MICAL3: variants seen among roughly 807,000 people sequenced by gnomAD.
MICAL3 encodes the protein microtubule associated monooxygenase, calponin and LIM domain containing 3, also known as [F-actin]-monooxygenase MICAL3.
MICAL3 carries 62 observed loss-of-function variants against 207.4 expected under a neutral mutation model. The observed-to-expected ratio is 0.30, with a 90% CI of 0.24 to 0.37. The LOEUF (loss-of-function observed/expected upper bound fraction) is 0.37. MICAL3 is among the 10% of genes least tolerant of loss of function. The probability of loss-of-function intolerance (pLI) is 1.00; values close to 1 mark genes in which losing one functional copy is unlikely to be tolerated. For synonymous variants in MICAL3, 1,077 were observed against 1,069.3 expected, an observed-to-expected ratio of 1.01 and a Z score of -0.14; for missense variants, 2,368 against 2,635.6, an observed-to-expected ratio of 0.90 and a Z score of 2.22.
At chr22:17,848,805 T>TA (rs1419706052) in intron 19 of MICAL3, among the ~76,000 whole-genome samples, 1 of 152,240 alleles carries the variant, frequency 6.6e-6, no homozygotes, top group Non-Finnish European at 1.5e-5. Context: ...TTCCTGCACT[T>TA]ATTCTCAGGC....
At chr22:17,895,940 G>C (rs925194432) in intron 9 of MICAL3, among the ~76,000 whole-genome samples, 2 of 151,984 alleles carry the variant, frequency 1.3e-5, no homozygotes, top group African/African-American at 4.8e-5. Flanking sequence ...CCCATTTAGG[G>C]GTTTGAGAAA....
chr22:17,801,910 C>CA (rs373226923), intron 29 of MICAL3, among the ~76,000 whole-genome samples: 11 of 149,182 alleles, frequency 7.4e-5, no homozygotes, highest in East Asian at 3.9e-4. Flanking sequence ...AACAAACAAA[C>CA]AACAACAACA....
chr22:17,827,930 T>C, intron 21 of MICAL3, 149 bp from the exon 22 acceptor site: 3 of 672,386 alleles, frequency 4.5e-6, no homozygotes, highest in African/African-American at 2.3e-5. Flanking sequence ...TGTATGCACA[T>C]GTATACACAC....
At chr22:17,967,805 G>C (rs1935216463) in intron 1 of MICAL3, among the ~76,000 whole-genome samples, 1 of 152,212 alleles carries the variant, frequency 6.6e-6, no homozygotes, top group African/African-American at 2.4e-5. Context: ...CCAGCACTTT[G>C]GGAGGCCGAG....
At chr22:17,834,485 G>A (rs1368432972) in intron 20 of MICAL3, 1 of 1,268,440 alleles carries the variant, frequency 7.9e-7, no homozygotes, top group African/African-American at 1.5e-5. Flanking sequence ...GGAGGCTGAG[G>A]TGGGTGGATC....
At chr22:17,792,957 G>A (rs1049478180) in intron 29 of MICAL3, among the ~76,000 whole-genome samples, 4 of 152,246 alleles carry the variant, frequency 2.6e-5, no homozygotes, top group Non-Finnish European at 5.9e-5. Flanking sequence ...GTGGAGGAGG[G>A]GCCCGAGGCA....
Position 17,817,884 on chromosome 22 carries a change from C to A in MICAL3, c.4777G>T (p.Ala1593Ser). Residue 1593 changes from alanine to serine, a missense_variant, in exon 26 of 32, where the codon GCC becomes TCC. This residue lies in a region of MICAL3 where 1,770 missense variants were observed against 1,863.2 expected (regional missense o/e 0.95). Coordinates refer to ENST00000441493, the MANE Select transcript of MICAL3 (RefSeq NM_015241.3). ...TCCCTGGCTCGCATGCGCTCCTCGG[C>A]CAACTCCTTGGCTTCCGCGGACACC... Reference protein sequence around the residue: ...PLVSAEAKELAEERMRAREKS... With the variant: ...PLVSAEAKELSEERMRAREKS... 6.2e-7 allele frequency: 1 copy of A among 1,612,422 alleles called. No individual in the cohort carries two copies. The highest frequency in any genetic ancestry group is 8.5e-7 in the Non-Finnish European group (1 of 1,179,766).
At chr22:17,916,055 C>CAAAA (rs755146574) in intron 1 of MICAL3, among the ~76,000 whole-genome samples, 27 of 57,814 alleles carry the variant, frequency 4.7e-4, no homozygotes, top group African/African-American at 1.1e-3. Context: ...GATCCAGTCT[C>CAAAA]AAAAAAAAAA....
chr22:17,859,665 C>T (rs1208730027), intron 19 of MICAL3, among the ~76,000 whole-genome samples: 2 of 152,234 alleles, frequency 1.3e-5, no homozygotes, highest in East Asian at 1.9e-4. Flanking sequence ...TTACCAGGAG[C>T]AAGGCTGTTG....
intron 1 of MICAL3, among the ~76,000 whole-genome samples, chr22:17,952,082 T>G (rs1237955334): frequency 1.3e-5 from 2 of 152,160 alleles, no homozygotes; most frequent in African/African-American, 4.8e-5. Context: ...CAGGGTGGAA[T>G]GAACTGCAAG....
chr22:17,854,775 C>T (rs910204703), intron 19 of MICAL3, among the ~76,000 whole-genome samples: 1 of 152,194 alleles, frequency 6.6e-6, no homozygotes, highest in Admixed American at 6.5e-5. Flanking sequence ...TGCATGAGGC[C>T]GCAGGAATTA....
intron 1 of MICAL3, among the ~76,000 whole-genome samples, chr22:17,931,404 C>T (rs1933257886): frequency 2.0e-5 from 3 of 152,210 alleles, no homozygotes; most frequent in Admixed American, 2.0e-4. Context: ...CCAGGCTTCA[C>T]ATACTAAGGA....
intron 1 of MICAL3, among the ~76,000 whole-genome samples, chr22:17,931,615 G>A (rs149052830): frequency 3.1e-3 from 471 of 152,336 alleles, no homozygotes; most frequent in African/African-American, 0.011. Flanking sequence ...GGGACAGACT[G>A]ACAGAATTCA....
intron 19 of MICAL3, among the ~76,000 whole-genome samples, chr22:17,854,583 C>G (rs1460073913): frequency 1.3e-5 from 2 of 152,112 alleles, no homozygotes; most frequent in Admixed American, 1.3e-4. Flanking sequence ...GAGGTGCATG[C>G]TGTGACAAAC....
At chr22:17,941,561 C>A (rs1282276070) in intron 1 of MICAL3, among the ~76,000 whole-genome samples, 1 of 152,196 alleles carries the variant, frequency 6.6e-6, no homozygotes, top group African/African-American at 2.4e-5. Flanking sequence ...AAATGCTACA[C>A]CAGAGCAACA....
rs369114396 is a variant in MICAL3 at position 17,864,910 on chromosome 22, T to C, written c.2594A>G (p.Glu865Gly). ...GRANAVASSTERTPGSGVNGL... is the reference protein window; with the variant it reads ...GRANAVASSTGRTPGSGVNGL... ...GGAAGTGAGGCTACCTGGGGTTCTC[T>C]CAGTGGAGCTGGCCACGGCGTTGGC... is the stretch of plus-strand genomic sequence containing the variant. The change falls in exon 19 of 32, where the codon GAG becomes GGG. Residue 865 changes from glutamate to glycine, a missense_variant. Transcript: ENST00000441493. 10 of 1,613,648 alleles carry C rather than the reference T, an allele frequency of 6.2e-6. No homozygotes were observed. Among genetic ancestry groups the C allele is most frequent in the Admixed American group, 1.7e-5 (1 of 59,990 alleles).
chr22:17,798,256 C>G (rs2061897537), intron 29 of MICAL3, among the ~76,000 whole-genome samples: 1 of 152,214 alleles, frequency 6.6e-6, no homozygotes, highest in African/African-American at 2.4e-5. Flanking sequence ...ACCAGACTTT[C>G]AAGAGGTGGA....
intron 19 of MICAL3, 195 bp downstream of exon 19, chr22:17,864,704 C>A (rs1926882433): frequency 6.2e-7 from 1 of 1,612,556 alleles, no homozygotes. Flanking sequence ...TGCACCAGCA[C>A]CTCCGACAGG....
intron 1 of MICAL3, among the ~76,000 whole-genome samples, chr22:17,925,167 A>G (rs940126340): frequency 6.6e-6 from 1 of 152,132 alleles, no homozygotes; most frequent in Non-Finnish European, 1.5e-5. Context: ...TGAGAGAGCA[A>G]GGGGAAGGGA....
Sources: allele counts gnomAD v4.1 joint callset (sites outside exome capture counted in the v4.1 genomes callset), GRCh38; gene constraint gnomAD v4.1.1; regional missense constraint gnomAD v4.1.1; transcripts MANE v1.5; gene names NCBI Gene and HGNC (gene_info 2026-07-23, HGNC 2026-07-21).